Variants in MEDAG observed in about 807,000 individuals in gnomAD.
The protein encoded by MEDAG is mesenteric estrogen dependent adipogenesis.
In MEDAG, 25 loss-of-function variants were observed where a neutral mutation model predicts 29.9. The observed-to-expected ratio is 0.84, with a 90% confidence interval of 0.61 to 1.17. The LOEUF is 1.17. Among genes scored for constraint, MEDAG ranks in the 50% most tolerant of loss-of-function variants. The pLI is 0.00. For synonymous variants in MEDAG, 158 were observed against 148.2 expected, an observed-to-expected ratio of 1.07 and a Z score of -0.48; for missense variants, 398 against 372.9, an observed-to-expected ratio of 1.07 and a Z score of -0.56.
chr13:30,921,487 G>T lies in MEDAG; in HGVS notation c.502-74G>T, dbSNP rs530927304. On this transcript the variant is annotated intron_variant, in intron 3 of 4. Coordinates refer to ENST00000380482, the MANE Select transcript of MEDAG (RefSeq NM_032849.4). ...GAGGTGTGATGTTTTGGATATTTAG[G>T]CGGTTGTTAGTTCTACAATGTCAAC... 1.5e-5 allele frequency: 20 copies of T among 1,342,872 alleles called. No homozygotes were observed. The African/African-American group carries it at 2.5e-4, about 17-fold the overall frequency. The allele number at this position is 1,342,872 out of a possible 1,614,324, so 83.2% of individuals were successfully genotyped here.
Position 30,925,171 on chromosome 13 carries a change from G to A in MEDAG, c.*736G>A, listed in dbSNP as rs943890253. 8 of 152,212 alleles carry A rather than the reference G, an allele frequency of 5.3e-5. No individual in the cohort carries two copies. In the South Asian group the frequency reaches 1.0e-3, roughly 20 times the overall value. 9.4% of individuals were successfully genotyped at this position (152,212 alleles called of 1,614,324 possible). A position where few individuals can be genotyped will look rare whatever the true frequency, so the allele number is the denominator to read the frequency against. On this transcript the variant is annotated 3_prime_UTR_variant, in exon 5 of 5. Transcript: ENST00000380482. ...ATGACAGGGGAAGGGTATTGGACAC[G>A]GCAGCGTCCTCCTTATTGAAAACAC... is the stretch of plus-strand genomic sequence containing the variant.
intron 1 of MEDAG, among the ~76,000 whole-genome samples, chr13:30,909,289 G>A (rs1952860044): frequency 6.6e-6 from 1 of 152,024 alleles, no homozygotes; most frequent in Non-Finnish European, 1.5e-5. Context: ...ATTTCCTCGA[G>A]GCCAGGCAGT....
chr13:30,912,878 G>A (rs1314613890), intron 1 of MEDAG, among the ~76,000 whole-genome samples: 1 of 152,234 alleles, frequency 6.6e-6, no homozygotes, highest in Non-Finnish European at 1.5e-5. Context: ...GGAGTCAGAA[G>A]TTTACAGAGC....
At chr13:30,910,193 A>ACACACACAC (rs1555264548) in intron 1 of MEDAG, among the ~76,000 whole-genome samples, 1 of 149,170 alleles carries the variant, frequency 6.7e-6, no homozygotes, top group Admixed American at 6.7e-5. Flanking sequence ...CACACACACA[A>ACACACACAC]ACACACACAC....
intron 4 of MEDAG, among the ~76,000 whole-genome samples, chr13:30,923,506 A>G (rs1379337586): frequency 6.7e-6 from 1 of 150,190 alleles, no homozygotes; most frequent in Admixed American, 6.6e-5. Context: ...ATCTCTTCCC[A>G]TGTTGTTTCA....
chr13:30,921,786 A>C lies in MEDAG; in HGVS notation c.727A>C (p.Ser243Arg). The change falls in exon 4 of 5, where the codon AGT (serine) becomes CGT (arginine). Residue 243 changes from serine to arginine, a missense_variant. Transcript: ENST00000380482. ...ETIKLFLEKMSEPLIRRSSFS... is the reference protein window; with the variant it reads ...ETIKLFLEKMREPLIRRSSFS... Reference sequence around the variant, plus strand: ...GATTAAGTTATTTCTGGAAAAAATGAGTGAGCCTTTAATCCGAAGGAGCAG... The same window carrying C: ...GATTAAGTTATTTCTGGAAAAAATGCGTGAGCCTTTAATCCGAAGGAGCAG... The C allele has an allele frequency of 1.9e-6, 3 of 1,613,452 alleles. No homozygotes were observed. Among genetic ancestry groups the C allele is most frequent in the Non-Finnish European group, 2.5e-6 (3 of 1,179,858 alleles).
rs187913781 is a variant in MEDAG at position 30,919,459 on chromosome 13, C to T, written c.389-1555C>T. 4.0e-4 allele frequency among the ~76,000 whole-genome samples: 61 copies of T among 152,242 alleles called. 1 individual carries two copies. Among genetic ancestry groups the T allele is most frequent in the Admixed American group, 3.1e-3 (47 of 15,298 alleles). ...TCAGCACAACTGTGGAGTGTTGTGG[C>T]CATGAGTATATAATGACCCCAGAGG... On this transcript the variant is annotated intron_variant, in intron 2 of 4. Coordinates refer to ENST00000380482, the MANE Select transcript of MEDAG (RefSeq NM_032849.4).
In MEDAG at chr13:30,906,691, G is replaced by A; in HGVS notation, c.176G>A (p.Arg59Lys). ...AGCGGCGACCAGCTCGTGGTGGCCA[G>A]GCCCGGGGAGCCGGCGGCGGCGCGG... ...QLSGDQLVVA[R>K]PGEPAAARGG... Residue 59 changes from arginine to lysine, a missense_variant, in exon 1 of 5, where the codon AGG (arginine) becomes AAG (lysine). Transcript: ENST00000380482. The A allele has an allele frequency of 2.6e-6, 4 of 1,530,254 alleles. No homozygotes were observed. The highest frequency in any genetic ancestry group is 1.4e-5 in the African/African-American group (1 of 71,398). The allele number at this position is 1,530,254 out of a possible 1,614,324, so 94.8% of individuals were successfully genotyped here. A position where few individuals can be genotyped will look rare whatever the true frequency, so the allele number is the denominator to read the frequency against.
chr13:30,906,529 C>T lies in MEDAG; in HGVS notation c.14C>T (p.Ala5Val), dbSNP rs750189432. 1.3e-6 allele frequency: 2 copies of T among 1,511,918 alleles called. No homozygotes were observed. The highest frequency in any genetic ancestry group is 1.8e-6 in the Non-Finnish European group (2 of 1,137,982). The allele number at this position is 1,511,918 out of a possible 1,614,324, so 93.7% of individuals were successfully genotyped here. The change falls in exon 1 of 5, where the codon GCC becomes GTC. Residue 5 changes from alanine (A) to valine (V), a missense_variant. Physicochemically the swap from Ala to Val is moderately conservative, Grantham distance 64. Coordinates refer to ENST00000380482, the MANE Select transcript of MEDAG (RefSeq NM_032849.4). ...GACGACGCGGGCATGGCGGGGGCGG[C>T]CTGCGAGCCGGTGGCCAGGCCGAGC... MAGA[A>V]CEPVARPSLT...
Position 30,921,747 on chromosome 13 carries a change from G to T in MEDAG, c.688G>T (p.Glu230Ter). 6.2e-7 allele frequency: 1 copy of T among 1,613,968 alleles called. No homozygotes were observed. Among genetic ancestry groups the T allele is most frequent in the Non-Finnish European group, 8.5e-7 (1 of 1,179,978 alleles). ...TCTGAATTTGTCAAGTACAAGTCCA[G>T]AAAAGAAGGAGACGATTAAGTTATT... ...KVLNLSSTSP[E>*]KKETIKLFLE... The change falls in exon 4 of 5, where the codon GAA becomes TAA. Residue 230 changes from glutamate to a stop codon, truncating the protein, a stop_gained. Transcript: ENST00000380482. LOFTEE classifies it high-confidence loss of function.
At chr13:30,915,357 G>A (rs1952917676) in intron 1 of MEDAG, among the ~76,000 whole-genome samples, 1 of 152,178 alleles carries the variant, frequency 6.6e-6, no homozygotes, top group Non-Finnish European at 1.5e-5. Context: ...TGGCAAGAGG[G>A]ACGGGCGAGC....
intron 1 of MEDAG, among the ~76,000 whole-genome samples, chr13:30,912,718 T>C (rs1014616991): frequency 2.6e-5 from 4 of 152,234 alleles, no homozygotes; most frequent in African/African-American, 9.6e-5. Flanking sequence ...CCTTTTCAGA[T>C]GTTGCTGTCA....
rs767463116 is a variant in MEDAG at position 30,921,543 on chromosome 13, T to A, written c.502-18T>A. On this transcript the variant is annotated intron_variant, in intron 3 of 4. Coordinates refer to ENST00000380482, the MANE Select transcript of MEDAG (RefSeq NM_032849.4). ...ACTTATGTCCATTAAGTCAATGCAA[T>A]GTTCCTCTCTCTTTCAGTTTGATTT... 2.5e-6 allele frequency: 4 copies of A among 1,584,330 alleles called. No homozygotes were observed. The highest frequency in any genetic ancestry group is 3.7e-5 in the Admixed American group (2 of 54,496).
intron 1 of MEDAG, chr13:30,915,912 T>C (rs1952923782): frequency 6.6e-6 from 1 of 152,334 alleles, no homozygotes; most frequent in African/African-American, 2.4e-5. Flanking sequence ...ACACCCACCT[T>C]TTTCTTCTCT....
In MEDAG at chr13:30,924,386, C is replaced by T. The variant is rs764835720; in HGVS notation, c.863C>T (p.Pro288Leu). 6 of 1,614,104 alleles carry T rather than the reference C, an allele frequency of 3.7e-6. No homozygotes were observed. The East Asian group carries it at 1.3e-4, about 36-fold the overall frequency. ...SLTEPLLAELPFPSVLESEET... is the reference protein window; with the variant it reads ...SLTEPLLAELLFPSVLESEET... ...ACAGAGCCTCTTTTGGCAGAATTAC[C>T]ATTTCCAAGTGTTCTGGAATCTGAA... The change falls in exon 5 of 5, where the codon CCA becomes CTA. Residue 288 changes from proline to leucine, a missense_variant. Transcript: ENST00000380482.
chr13:30,908,416 A>C (rs1952849818), intron 1 of MEDAG, among the ~76,000 whole-genome samples: 1 of 152,168 alleles, frequency 6.6e-6, no homozygotes, highest in African/African-American at 2.4e-5. Context: ...GGAAGGAGCT[A>C]TCTATTGTCC....
intron 2 of MEDAG, 22 bp from the exon 3 acceptor site, chr13:30,920,992 A>C (rs1952977576): frequency 6.3e-7 from 1 of 1,596,486 alleles, no homozygotes; most frequent in African/African-American, 1.3e-5. Context: ...CTTGTTTCTG[A>C]ATTCTGCTTG....
intron 2 of MEDAG, among the ~76,000 whole-genome samples, 191 bp from the exon 3 acceptor site, chr13:30,920,823 T>A (rs1952976370): frequency 6.6e-6 from 1 of 152,202 alleles, no homozygotes; most frequent in Non-Finnish European, 1.5e-5. Flanking sequence ...CCTTCAAATC[T>A]GCAAAATTCT....
At chr13:30,915,033 T>C (rs1952914253) in intron 1 of MEDAG, among the ~76,000 whole-genome samples, 1 of 152,230 alleles carries the variant, frequency 6.6e-6, no homozygotes, top group African/African-American at 2.4e-5. Context: ...GAATGGGTCA[T>C]AGGTGGAGCC....
Sources: gnomAD v4.1 joint callset for allele counts (sites outside exome capture counted in the v4.1 genomes callset) on GRCh38, gnomAD v4.1.1 for gene constraint, MANE v1.5 for transcripts, NCBI Gene and HGNC (gene_info 2026-07-23, HGNC 2026-07-21) for gene names.